FSTL4: variants seen among roughly 807,000 people sequenced by gnomAD.
FSTL4 encodes the protein follistatin-related protein 4.
Under a neutral mutation model 78.2 loss-of-function variants are expected in FSTL4, and 28 were observed. The observed-to-expected ratio is 0.36, with a 90% CI of 0.27 to 0.49. The LOEUF (loss-of-function observed/expected upper bound fraction) is 0.49. FSTL4 is among the 20% of genes least tolerant of loss of function. FSTL4 has a pLI of 0.98. For synonymous variants in FSTL4, 422 were observed against 440.5 expected (o/e 0.96, Z 0.53); for missense variants, 922 against 1,084.9 (o/e 0.85, Z 2.11).
chr5:133,369,364 G>T (rs575061770), intron 4 of FSTL4, among the ~76,000 whole-genome samples: 1 of 152,280 alleles, frequency 6.6e-6, no homozygotes, highest in South Asian at 2.1e-4. Context: ...TGGGCTCATT[G>T]CTCCTGTGTC....
chr5:133,821,469 A>G, the FSTL4 span, among the ~76,000 whole-genome samples: 1 of 152,232 alleles, frequency 6.6e-6, no homozygotes, highest in Non-Finnish European at 1.5e-5. Flanking sequence ...CTGTTCCAGC[A>G]TTAATTATTA....
intron 3 of FSTL4, among the ~76,000 whole-genome samples, chr5:133,509,723 T>C (rs1323382841): frequency 6.6e-6 from 1 of 152,252 alleles, no homozygotes; most frequent in African/African-American, 2.4e-5. Context: ...GAATGTTTCA[T>C]TATGGATAAT....
At chr5:133,371,258 C>T (rs751292518) in intron 4 of FSTL4, among the ~76,000 whole-genome samples, 12 of 152,248 alleles carry the variant, frequency 7.9e-5, no homozygotes, top group Non-Finnish European at 1.3e-4. Flanking sequence ...ACTCTGACCA[C>T]GTAAGCTCTG....
intron 3 of FSTL4, among the ~76,000 whole-genome samples, chr5:133,442,220 C>T (rs971142240): frequency 1.3e-4 from 20 of 152,286 alleles, no homozygotes; most frequent in Admixed American, 1.1e-3. Flanking sequence ...CCTACATGTC[C>T]GTGCCATGGG....
At chr5:133,576,200 T>C (rs1013542286) in intron 2 of FSTL4, among the ~76,000 whole-genome samples, 4 of 152,170 alleles carry the variant, frequency 2.6e-5, no homozygotes, top group Admixed American at 2.0e-4. Flanking sequence ...TGAAAGAGTA[T>C]AAATGAGCAC....
rs1471646695 is a variant in FSTL4 at position 133,585,179 on chromosome 5, G to T, written c.127-17960C>A. ...CCAGTACCAGCCGCTGCAAAATCATGCCAAAATGTAAAGACCATCGAGACT... is the reference window on the plus strand; with the variant it reads ...CCAGTACCAGCCGCTGCAAAATCATTCCAAAATGTAAAGACCATCGAGACT... On this transcript the variant is annotated intron_variant, in intron 2 of 15. Coordinates refer to ENST00000265342, the MANE Select transcript of FSTL4 (RefSeq NM_015082.2). Among the ~76,000 whole-genome samples the T allele has an allele frequency of 4.8e-4, 40 of 84,022 alleles. 1 individual carries two copies. The South Asian group carries it at 0.02, about 41-fold the overall frequency. 55.1% of individuals were successfully genotyped at this position (84,022 alleles called of 152,430 possible).
At chr5:133,562,887 T>C (rs1218606368) in intron 3 of FSTL4, among the ~76,000 whole-genome samples, 1 of 152,112 alleles carries the variant, frequency 6.6e-6, no homozygotes, top group African/African-American at 2.4e-5. Flanking sequence ...AAGTACCGGT[T>C]TGAGTAGATG....
Position 133,393,554 on chromosome 5 carries a change from C to T in FSTL4, c.409+7184G>A, listed in dbSNP as rs146051855. ...TTTGCAAAGACTGAAAGAACAACAGCGGCTACTGGACAGAAATGTGGGTAG... is the reference window on the plus strand; with the variant it reads ...TTTGCAAAGACTGAAAGAACAACAGTGGCTACTGGACAGAAATGTGGGTAG... On this transcript the variant is annotated intron_variant, in intron 4 of 15. Transcript: ENST00000265342. Among the ~76,000 whole-genome samples the T allele has an allele frequency of 3.7e-3, 567 of 152,288 alleles. 5 individuals are homozygous for T. The highest frequency in any genetic ancestry group is 0.012 in the African/African-American group (495 of 41,558).
chr5:133,630,658 A>T, the FSTL4 span, among the ~76,000 whole-genome samples: 1 of 152,322 alleles, frequency 6.6e-6, no homozygotes, highest in East Asian at 1.9e-4. Flanking sequence ...TTCATATGGA[A>T]CCAAAAAAGA....
intron 3 of FSTL4, among the ~76,000 whole-genome samples, chr5:133,453,688 G>T (rs1245324318): frequency 6.6e-6 from 1 of 152,158 alleles, no homozygotes; most frequent in Admixed American, 6.5e-5. Context: ...GCCACAGCAC[G>T]CCCCAAGCAA....
At position 133,236,687 on chromosome 5, in the gene FSTL4, A is replaced by C. The variant is rs1221110858; in HGVS notation, c.895-3150T>G. Among the ~76,000 whole-genome samples, 2 of 152,140 alleles carry C rather than the reference A, an allele frequency of 1.3e-5. No individual in the cohort carries two copies. The highest frequency in any genetic ancestry group is 4.8e-5 in the African/African-American group (2 of 41,434). ...TGGGGGCCAGCCCCTCTCAGACCCT[A>C]CTGCCTCGCACACTCCCCTTGCTGT... On this transcript the variant is annotated intron_variant, in intron 7 of 15. Transcript: ENST00000265342. The surrounding 1 kb of genome is among the most constrained non-coding windows in gnomAD (Gnocchi z 5.0).
chr5:133,421,608 G>A (rs1052697996), intron 3 of FSTL4, among the ~76,000 whole-genome samples: 1 of 152,238 alleles, frequency 6.6e-6, no homozygotes, highest in Non-Finnish European at 1.5e-5. Context: ...TGGTCCAGGA[G>A]GGGGAGCCAT....
intron 4 of FSTL4, among the ~76,000 whole-genome samples, chr5:133,380,657 G>A (rs976171783): frequency 1.3e-5 from 2 of 151,760 alleles, no homozygotes; most frequent in Non-Finnish European, 2.9e-5. Flanking sequence ...AAGGGAAGAT[G>A]TTCCAACACA....
chr5:133,616,726 C>A (rs13361676), upstream of FSTL4, among the ~76,000 whole-genome samples: 1 of 151,834 alleles, frequency 6.6e-6, no homozygotes, highest in African/African-American at 2.4e-5. Flanking sequence ...TCTAAATAAA[C>A]GTTCCTTTCA....
intron 4 of FSTL4, among the ~76,000 whole-genome samples, chr5:133,380,220 G>A: frequency 6.6e-6 from 1 of 150,966 alleles, no homozygotes; most frequent in East Asian, 1.9e-4. Flanking sequence ...GAATAGAAAA[G>A]CAATAGAGTA....
intron 3 of FSTL4, among the ~76,000 whole-genome samples, chr5:133,477,956 A>G (rs139570863): frequency 3.3e-5 from 5 of 152,328 alleles, no homozygotes; most frequent in Non-Finnish European, 5.9e-5. Context: ...TTGTCTGGCC[A>G]GTGTGGCTTT....
At chr5:133,710,057 C>T in the FSTL4 span, among the ~76,000 whole-genome samples, 3 of 152,308 alleles carry the variant, frequency 2.0e-5, no homozygotes, top group South Asian at 2.1e-4. Flanking sequence ...CCAGAACTGA[C>T]GCTGGCATGG....
intron 4 of FSTL4, among the ~76,000 whole-genome samples, chr5:133,368,425 C>T (rs994202717): frequency 6.6e-6 from 1 of 152,248 alleles, no homozygotes; most frequent in Non-Finnish European, 1.5e-5. Context: ...CTCTTCTGGG[C>T]CCCATGCCCC....
At chr5:133,530,712 T>A (rs1401944411) in intron 3 of FSTL4, among the ~76,000 whole-genome samples, 1 of 152,192 alleles carries the variant, frequency 6.6e-6, no homozygotes, top group Non-Finnish European at 1.5e-5. Context: ...CCAGGGACCC[T>A]GCCCCGACAA....
Sources: allele counts gnomAD v4.1 joint callset (sites outside exome capture counted in the v4.1 genomes callset), GRCh38; gene constraint gnomAD v4.1.1; non-coding constraint Gnocchi (gnomAD v3.1); transcripts MANE v1.5; gene names NCBI Gene and HGNC (gene_info 2026-07-23, HGNC 2026-07-21).